The following UGT2B15 variants were observed in gnomAD, a reference collection of about 807,000 sequenced individuals.
UGT2B15 encodes UDP-glucuronosyltransferase 2B15.
A neutral mutation model predicts 45.9 loss-of-function variants in UGT2B15; 36 were observed. The ratio of observed to expected loss-of-function variants is 0.78; its 90% CI spans 0.60 to 1.04. The LOEUF is 1.04. Among genes scored for constraint, UGT2B15 ranks in the 50% least tolerant of loss-of-function variants. The pLI is 0.00. For missense variants in UGT2B15, 617 were observed against 622.4 expected, an observed-to-expected ratio of 0.99 and a Z score of 0.09; for synonymous variants, 219 against 216.4, an observed-to-expected ratio of 1.01 and a Z score of -0.11.
In UGT2B15 at chr4:68,655,153, T is replaced by C; in HGVS notation, c.1035A>G (p.Pro345=). ...KVLWRFDGKK[P]NTLGSNTRLY... ...GTCGAGTATTGGAACCTAAAGTATT[T>C]GGCTTCTTGCCATCAAATCTCCATA... Residue 345 remains proline, a synonymous_variant, in exon 4 of 6, where the codon CCA becomes CCG. Transcript: ENST00000338206. 1 of 1,613,442 alleles carries C rather than the reference T, an allele frequency of 6.2e-7. No individual in the cohort carries two copies. Among genetic ancestry groups the C allele is most frequent in the Non-Finnish European group, 8.5e-7 (1 of 1,179,600 alleles).
At chr4:68,666,522 G>A (rs900456374) in intron 2 of UGT2B15, among the ~76,000 whole-genome samples, 1 of 151,890 alleles carries the variant, frequency 6.6e-6, no homozygotes, top group Non-Finnish European at 1.5e-5. Flanking sequence ...ATATGAAGTT[G>A]TGATTATTAT....
chr4:68,659,919 C>T (rs1302298232), intron 3 of UGT2B15, among the ~76,000 whole-genome samples: 1 of 133,748 alleles, frequency 7.5e-6, no homozygotes, highest in African/African-American at 2.5e-5. Context: ...CATTGCTGAT[C>T]CTTTGTTTTG....
chr4:68,669,503 C>T (rs1315024935), intron 1 of UGT2B15, among the ~76,000 whole-genome samples: 2 of 152,028 alleles, frequency 1.3e-5, no homozygotes, highest in African/African-American at 2.4e-5. Context: ...ATTCCTCAAT[C>T]CTGCATTGAT....
chr4:68,653,985 G>T lies in UGT2B15; in HGVS notation c.1313+52C>A, dbSNP rs1011547172. On this transcript the variant is annotated intron_variant, in intron 5 of 5. Coordinates refer to ENST00000338206, the MANE Select transcript of UGT2B15 (RefSeq NM_001076.4). Reference sequence around the variant, plus strand: ...AAACGGGTTAAAATTCATATTCACTGTTGACAAAATAATTTATAAATACCA... The same window carrying T: ...AAACGGGTTAAAATTCATATTCACTTTTGACAAAATAATTTATAAATACCA... 7 of 1,595,586 alleles carry T rather than the reference G, an allele frequency of 4.4e-6. No individual in the cohort carries two copies. In the African/African-American group the frequency reaches 8.1e-5, roughly 18 times the overall value.
intron 3 of UGT2B15, among the ~76,000 whole-genome samples, chr4:68,661,671 A>G (rs1323151527): frequency 6.6e-6 from 1 of 152,116 alleles, no homozygotes. Flanking sequence ...AATGCTACAT[A>G]TGTAGTATGT....
chr4:68,658,142 G>A (rs547936212), intron 3 of UGT2B15, among the ~76,000 whole-genome samples: 1 of 152,024 alleles, frequency 6.6e-6, no homozygotes, highest in East Asian at 1.9e-4. Flanking sequence ...GTCTAATATG[G>A]CAAAATGTAG....
At chr4:68,666,605 T>G (rs1733127193) in intron 2 of UGT2B15, among the ~76,000 whole-genome samples, 1 of 151,884 alleles carries the variant, frequency 6.6e-6, no homozygotes, top group African/African-American at 2.4e-5. Flanking sequence ...CAAACTTGCC[T>G]TTTTGCAATA....
intron 5 of UGT2B15, among the ~76,000 whole-genome samples, chr4:68,653,700 A>ATG (rs1732719271): frequency 1.3e-5 from 2 of 151,350 alleles, no homozygotes; most frequent in Admixed American, 6.6e-5. Context: ...ATACTTTCAG[A>ATG]AATTTTAGGT....
chr4:68,660,657 C>T (rs900355522), intron 3 of UGT2B15, among the ~76,000 whole-genome samples: 29 of 151,950 alleles, frequency 1.9e-4, no homozygotes, highest in East Asian at 1.9e-4. Flanking sequence ...TCTAGTCTTG[C>T]CTAATGTTTT....
intron 5 of UGT2B15, among the ~76,000 whole-genome samples, chr4:68,648,158 C>A (rs1003611029): frequency 1.3e-5 from 2 of 152,080 alleles, no homozygotes; most frequent in African/African-American, 4.8e-5. Flanking sequence ...AAATTAATAT[C>A]AAATTATGAC....
At chr4:68,655,310 T>C in intron 3 of UGT2B15, 128 bp from the exon 4 acceptor site, 3 of 1,177,866 alleles carry the variant, frequency 2.5e-6, no homozygotes, top group Non-Finnish European at 3.6e-6. Flanking sequence ...GAAGAAGTGA[T>C]GTCAAGTAAT....
In UGT2B15 at chr4:68,663,393, A is replaced by G. The variant is rs560611278; in HGVS notation, c.874-254T>C. 9.6e-4 allele frequency among the ~76,000 whole-genome samples: 146 copies of G among 152,246 alleles called. 2 individuals are homozygous for G. The highest frequency in any genetic ancestry group is 7.9e-3 in the South Asian group (38 of 4,826). On this transcript the variant is annotated intron_variant, in intron 2 of 5. Coordinates refer to ENST00000338206, the MANE Select transcript of UGT2B15 (RefSeq NM_001076.4). ...TGTAAGGAGGAAATGAAACAAAGCT[A>G]TGACACTGCAGTAGGAGGAGATAAT...
rs138640811 is a variant in UGT2B15, at chr4:68,670,099, G to A, written c.520C>T (p.Arg174Ter). 5.1e-5 allele frequency: 82 copies of A among 1,613,938 alleles called. 1 individual carries two copies. The highest frequency in any genetic ancestry group is 3.5e-4 in the African/African-American group (26 of 74,896). ...TCAAATGTGTAGCCAACAGAGAATC[G>A]AAGACTGTACAGAAAGGGTATGTTA... Reference protein sequence around the residue: ...LFNIPFLYSLRFSVGYTFEKN... With the variant: ...LFNIPFLYSL The change falls in exon 1 of 6, where the codon CGA (arginine) becomes TGA (stop). Residue 174 changes from arginine (R) to a stop codon, truncating the protein, a stop_gained. Transcript: ENST00000338206. LOFTEE classifies it high-confidence loss of function.
chr4:68,654,961 T>A (rs4148267), intron 4 of UGT2B15, 134 bp downstream of exon 4: 47 of 1,127,350 alleles, frequency 4.2e-5, no homozygotes, highest in South Asian at 3.1e-4. Context: ...GGAAAATAAA[T>A]ATAAAGTAGT....
At chr4:68,655,473 C>A (rs1732777458) in intron 3 of UGT2B15, among the ~76,000 whole-genome samples, 2 of 152,068 alleles carry the variant, frequency 1.3e-5, no homozygotes, top group African/African-American at 4.8e-5. Context: ...GCAACCCAAA[C>A]TCTATGCTAA....
At chr4:68,652,584 T>G (rs1251963591) in intron 5 of UGT2B15, among the ~76,000 whole-genome samples, 2 of 151,786 alleles carry the variant, frequency 1.3e-5, no homozygotes, top group African/African-American at 4.8e-5. Context: ...AGTAATAGAC[T>G]CTGAATTGAT....
In UGT2B15 at chr4:68,670,509, A is replaced by G; in HGVS notation, c.110T>C (p.Ile37Thr). Residue 37 changes from isoleucine to threonine, a missense_variant, in exon 1 of 6, where the codon ATA becomes ACA. Ile to Thr is a moderately conservative substitution (Grantham distance 89). Transcript: ENST00000338206. ...LVWPTEYSHW[I>T]NMKTILEELV... ...CTCTTCCAGGATTGTCTTCATATTT[A>G]TCCAATGGCTGTATTCTGTGGGCCA... The G allele has an allele frequency of 1.2e-6, 2 of 1,613,950 alleles. No homozygotes were observed. Among genetic ancestry groups the G allele is most frequent in the Non-Finnish European group, 1.7e-6 (2 of 1,179,960 alleles).
chr4:68,666,206 A>C (rs1451060212), intron 2 of UGT2B15, among the ~76,000 whole-genome samples: 2 of 152,098 alleles, frequency 1.3e-5, no homozygotes, highest in Admixed American at 1.3e-4. Context: ...CCTTTACAAT[A>C]CAACTTTAGC....
chr4:68,650,112 G>A (rs562424707), intron 5 of UGT2B15, among the ~76,000 whole-genome samples: 1 of 152,118 alleles, frequency 6.6e-6, no homozygotes, highest in East Asian at 1.9e-4. Context: ...GGGATTACGG[G>A]CGTGAGTCAC....
Sources: gnomAD v4.1 joint callset for allele counts (sites outside exome capture counted in the v4.1 genomes callset) on GRCh38, gnomAD v4.1.1 for gene constraint, MANE v1.5 for transcripts, NCBI Gene and HGNC (gene_info 2026-07-23, HGNC 2026-07-21) for gene names.